IDO1: variants seen among roughly 807,000 people sequenced by gnomAD.
IDO1 encodes indolamine 2,3 dioxygenase.
Under a neutral mutation model 38.8 loss-of-function variants are expected in IDO1, and 35 were observed. The ratio of observed to expected loss-of-function variants is 0.90; its 90% confidence interval spans 0.69 to 1.20. The LOEUF (loss-of-function observed/expected upper bound fraction) is 1.20, where lower values mean the gene tolerates loss of function less well. Ranked by LOEUF, IDO1 falls within the 50% of genes most tolerant of loss-of-function variation. IDO1 has a pLI of 0.00. For synonymous variants in IDO1, 171 were observed against 170.0 expected, an observed-to-expected ratio of 1.01 and a Z score of -0.05; for missense variants, 509 against 485.1, an observed-to-expected ratio of 1.05 and a Z score of -0.46.
chr8:39,928,274 A>T lies in IDO1; in HGVS notation c.*89A>T, dbSNP rs1051888845. ...CATTGTAACAGAGCCACAAACTAAT[A>T]CTATGCAATGTTTTACCAATAATGC... On this transcript the variant is annotated 3_prime_UTR_variant, in exon 10 of 10. Transcript: ENST00000518237. The T allele has an allele frequency of 1.4e-5, 12 of 869,800 alleles. No homozygotes were observed. The African/African-American group carries it at 2.0e-4, about 15-fold the overall frequency. The allele number at this position is 869,800 out of a possible 1,614,324, so 53.9% of individuals were successfully genotyped here.
In IDO1 at chr8:39,920,939, G is replaced by A. The variant is rs1275191889; in HGVS notation, c.437+825G>A. The A allele has an allele frequency of 2.0e-5, 3 of 152,214 alleles. No homozygotes were observed. The East Asian group carries it at 5.8e-4, about 29-fold the overall frequency. The allele number at this position is 152,214 out of a possible 1,614,324, so 9.4% of individuals were successfully genotyped here. A position where few individuals can be genotyped will look rare whatever the true frequency, so the allele number is the denominator to read the frequency against. ...GCAGTATATGAAAATTATGTAAATTGCGATATGATAAAGATAAGGCATAAG... is the reference window on the plus strand; with the variant it reads ...GCAGTATATGAAAATTATGTAAATTACGATATGATAAAGATAAGGCATAAG... On this transcript the variant is annotated intron_variant, in intron 5 of 9. Coordinates refer to ENST00000518237, the MANE Select transcript of IDO1 (RefSeq NM_002164.6).
chr8:39,915,892 C>T (rs1043192955), intron 1 of IDO1, among the ~76,000 whole-genome samples: 1 of 151,948 alleles, frequency 6.6e-6, no homozygotes. Flanking sequence ...CGGCTGGGGA[C>T]GGGTGGCTCA....
Position 39,922,646 on chromosome 8 carries a change from A to G in IDO1, c.532A>G (p.Ile178Val), listed in dbSNP as rs781672740. 6.2e-7 allele frequency: 1 copy of G among 1,605,182 alleles called. No individual in the cohort carries two copies. The highest frequency in any genetic ancestry group is 8.5e-7 in the Non-Finnish European group (1 of 1,172,080). The change falls in exon 6 of 10, where the codon ATC becomes GTC. Residue 178 changes from isoleucine (I) to valine (V), a missense_variant. Coordinates refer to ENST00000518237, the MANE Select transcript of IDO1 (RefSeq NM_002164.6). ...LLVEIAAASA[I>V]KVIPTVFKAM... ...GGTGGAAATAGCAGCTGCTTCTGCA[A>G]TCAAAGTACGTCTATCCTCACTTCA... is the stretch of plus-strand genomic sequence containing the variant.
At chr8:39,927,750 C>A in intron 9 of IDO1, 80 bp from the exon 10 acceptor site, 1 of 837,924 alleles carries the variant, frequency 1.2e-6, no homozygotes, top group Non-Finnish European at 1.8e-6. Flanking sequence ...CTCCTGCCCA[C>A]TCTGACCTCA....
At chr8:39,918,347 A>G (rs1807212035) in intron 3 of IDO1, 140 bp downstream of exon 3, 5 of 748,166 alleles carry the variant, frequency 6.7e-6, no homozygotes, top group Admixed American at 2.8e-5. Flanking sequence ...TAAAGAAAAT[A>G]TGCCCTGGCT....
chr8:39,923,549 C>T lies in IDO1; in HGVS notation c.618C>T (p.Cys206=). The T allele has an allele frequency of 6.2e-7, 1 of 1,613,010 alleles. No individual in the cohort carries two copies. The highest frequency in any genetic ancestry group is 8.5e-7 in the Non-Finnish European group (1 of 1,179,114). Residue 206 remains cysteine, a synonymous_variant, in exon 7 of 10, where the codon TGC becomes TGT. Transcript: ENST00000518237. ...AGGCGCTGTTGGAAATAGCTTCTTG[C>T]TTGGAGAAAGCCCTTCAAGTGTTTC... ...LLKALLEIAS[C]LEKALQVFHQ... is the part of the protein sequence containing the mutation.
chr8:39,917,291 G>A (rs930324794), intron 1 of IDO1, among the ~76,000 whole-genome samples: 2 of 151,906 alleles, frequency 1.3e-5, no homozygotes, highest in Non-Finnish European at 2.9e-5. Context: ...AGGTTAGGAG[G>A]TCGAGACCAA....
At chr8:39,922,479 C>A in intron 5 of IDO1, 73 bp from the exon 6 acceptor site, 2 of 911,518 alleles carry the variant, frequency 2.2e-6, no homozygotes, top group Non-Finnish European at 3.6e-6. Context: ...ACTAAAATAG[C>A]ATAAATAAAA....
At chr8:39,923,232 C>T (rs1018648289) in intron 6 of IDO1, among the ~76,000 whole-genome samples, 12 of 151,816 alleles carry the variant, frequency 7.9e-5, no homozygotes, top group Non-Finnish European at 1.5e-4. Flanking sequence ...GGCGAAACCC[C>T]GTCTCTACTA....
chr8:39,921,996 T>C (rs919867970), intron 5 of IDO1, among the ~76,000 whole-genome samples: 2 of 151,900 alleles, frequency 1.3e-5, no homozygotes, highest in Admixed American at 1.3e-4. Flanking sequence ...TTGTTGTTGT[T>C]TTGTTTTGTT....
intron 9 of IDO1, among the ~76,000 whole-genome samples, chr8:39,925,709 C>T (rs554833127): frequency 6.6e-6 from 1 of 151,974 alleles, no homozygotes; most frequent in African/African-American, 2.4e-5. Context: ...CATGGTGAAA[C>T]CCGGTCTCTA....
chr8:39,918,014 A>C (rs751416753), intron 2 of IDO1, 44 bp downstream of exon 2: 1 of 1,611,322 alleles, frequency 6.2e-7, no homozygotes, highest in Non-Finnish European at 8.5e-7. Flanking sequence ...TAGCTTCTTA[A>C]CATTGTTAAC....
At chr8:39,916,274 G>C (rs571543809) in intron 1 of IDO1, among the ~76,000 whole-genome samples, 1 of 151,988 alleles carries the variant, frequency 6.6e-6, no homozygotes, top group African/African-American at 2.4e-5. Flanking sequence ...TCAGGAGTTT[G>C]AGACCAGCCT....
intron 1 of IDO1, chr8:39,914,280 TA>T (rs1807140566): frequency 2.1e-5 from 6 of 280,386 alleles, no homozygotes; most frequent in Non-Finnish European, 3.4e-5. Context: ...GTATCAGCTT[TA>T]CATAAGAATT....
chr8:39,927,884 G>T lies in IDO1; in HGVS notation c.911G>T (p.Arg304Met), dbSNP rs745341242. 3.1e-6 allele frequency: 5 copies of T among 1,593,552 alleles called. No individual in the cohort carries two copies. In the South Asian group the frequency reaches 4.5e-5, roughly 14 times the overall value. ...DMRRYMPPAH[R>M]NFLCSLESNP... ...AGAAGATATATGCCACCAGCTCACA[G>T]GAACTTCCTGTGCTCATTAGAGTCA... is the stretch of plus-strand genomic sequence containing the variant. Residue 304 changes from arginine (R) to methionine (M), a missense_variant, in exon 10 of 10, where the codon AGG (arginine) becomes ATG (methionine). By Grantham distance (91) the Arg-to-Met change is moderately conservative. Coordinates refer to ENST00000518237, the MANE Select transcript of IDO1 (RefSeq NM_002164.6).
intron 9 of IDO1, among the ~76,000 whole-genome samples, chr8:39,927,046 TG>T (rs1033853820): frequency 6.6e-6 from 1 of 152,214 alleles, no homozygotes; most frequent in Non-Finnish European, 1.5e-5. Flanking sequence ...TTCTTTTTCA[TG>T]GCTGTGTAGT....
Position 39,918,845 on chromosome 8 carries a change from T to G in IDO1, c.334T>G (p.Cys112Gly). The change falls in exon 4 of 10, where the codon TGC becomes GGC. Residue 112 changes from cysteine to glycine, a missense_variant. Physicochemically the swap from Cys to Gly is radical, Grantham distance 159. Transcript: ENST00000518237. Reference sequence around the variant, plus strand: ...GCCAAGAAATATTGCTGTTCCTTACTGCCAACTCTCCAAGAAACTGGAACT... The same window carrying G: ...GCCAAGAAATATTGCTGTTCCTTACGGCCAACTCTCCAAGAAACTGGAACT... ...VLPRNIAVPY[C>G]QLSKKLELPP... The G allele has an allele frequency of 6.2e-7, 1 of 1,612,338 alleles. No homozygotes were observed. Among genetic ancestry groups the G allele is most frequent in the Non-Finnish European group, 8.5e-7 (1 of 1,178,674 alleles).
At chr8:39,927,339 TC>T (rs966773927) in intron 9 of IDO1, among the ~76,000 whole-genome samples, 2 of 152,118 alleles carry the variant, frequency 1.3e-5, no homozygotes, top group African/African-American at 4.8e-5. Context: ...GGCAGGTGGA[TC>T]ATCTGAGGTC....
In IDO1 at chr8:39,928,012, C is replaced by A; in HGVS notation, c.1039C>A (p.Leu347Met). ...TCTGGTCTCCCTGAGGAGCTACCAT[C>A]TGCAAATCGTGACTAAGTACATCCT... ...KALVSLRSYH[L>M]QIVTKYILIP... is the part of the protein sequence containing the mutation. Residue 347 changes from leucine to methionine, a missense_variant, in exon 10 of 10, where the codon CTG becomes ATG. Leu to Met is a conservative substitution (Grantham distance 15, BLOSUM62 2). Coordinates refer to ENST00000518237, the MANE Select transcript of IDO1 (RefSeq NM_002164.6). The A allele has an allele frequency of 1.2e-6, 2 of 1,606,742 alleles. No homozygotes were observed. The highest frequency in any genetic ancestry group is 1.7e-6 in the Non-Finnish European group (2 of 1,176,514).
Sources: allele counts gnomAD v4.1 joint callset (sites outside exome capture counted in the v4.1 genomes callset), GRCh38; gene constraint gnomAD v4.1.1; transcripts MANE v1.5; gene names NCBI Gene and HGNC (gene_info 2026-07-23, HGNC 2026-07-21).